The following OXSR1 variants were observed in gnomAD, a reference collection of about 807,000 sequenced individuals.
The protein encoded by OXSR1 is oxidative stress responsive kinase 1.
In OXSR1, 24 loss-of-function variants were observed where a neutral mutation model predicts 79.8. The ratio of observed to expected loss-of-function variants is 0.30; its 90% CI spans 0.22 to 0.42. The LOEUF (loss-of-function observed/expected upper bound fraction) is 0.42, where lower values mean the gene tolerates loss of function less well. Ranked by LOEUF, OXSR1 falls within the 10% of genes least tolerant of loss-of-function variation. OXSR1 has a pLI of 1.00. For synonymous variants in OXSR1, 226 were observed against 209.2 expected, an observed-to-expected ratio of 1.08 and a Z score of -0.69; for missense variants, 430 against 618.4, an observed-to-expected ratio of 0.70 and a Z score of 3.23.
intron 1 of OXSR1, among the ~76,000 whole-genome samples, chr3:38,178,621 T>TATATATA (rs1491123706): frequency 3.8e-3 from 250 of 65,692 alleles, no homozygotes; most frequent in African/African-American, 0.015. Context: ...TATATATATA[T>TATATATA]TTTTTTTTTT....
Position 38,190,728 on chromosome 3 carries a change from T to C in OXSR1, c.184-3T>C, listed in dbSNP as rs1287742858. 2 of 1,485,626 alleles carry C rather than the reference T, an allele frequency of 1.3e-6. No homozygotes were observed. The highest frequency in any genetic ancestry group is 1.4e-5 in the African/African-American group (1 of 72,520). The allele number at this position is 1,485,626 out of a possible 1,614,324, so 92.0% of individuals were successfully genotyped here. ...GAATTATTATGTTTTCTCTTCTTTG[T>C]AGAAAGAAATTCAAGCCATGAGTCA... On this transcript the variant is annotated splice_polypyrimidine_tract_variant and splice_region_variant and intron_variant, in intron 2 of 17. Coordinates refer to ENST00000311806, the MANE Select transcript of OXSR1 (RefSeq NM_005109.3).
intron 4 of OXSR1, among the ~76,000 whole-genome samples, chr3:38,208,970 G>GTA (rs1702324302): frequency 6.7e-6 from 1 of 148,654 alleles, no homozygotes; most frequent in East Asian, 2.0e-4. Flanking sequence ...GTGTGTGTGT[G>GTA]TGTGTGTGTG....
Position 38,249,165 on chromosome 3 carries a change from C to T in OXSR1, c.1323-801C>T, listed in dbSNP as rs983928577. Among the ~76,000 whole-genome samples, 5 of 151,994 alleles carry T rather than the reference C, an allele frequency of 3.3e-5. No homozygotes were observed. The South Asian group carries it at 1.0e-3, about 32-fold the overall frequency. ...TATTATTCATCAAATAGAAGTAAAC[C>T]CTCTCCATTATTTATATAAAATAGA... On this transcript the variant is annotated intron_variant, in intron 14 of 17. Transcript: ENST00000311806.
chr3:38,172,983 G>C (rs1404195697), intron 1 of OXSR1, among the ~76,000 whole-genome samples: 1 of 152,178 alleles, frequency 6.6e-6, no homozygotes, highest in Admixed American at 6.5e-5. Context: ...TCCACCTCTA[G>C]ACTCATGCTT....
chr3:38,241,505 T>C (rs889471898), intron 11 of OXSR1, among the ~76,000 whole-genome samples: 2 of 152,014 alleles, frequency 1.3e-5, no homozygotes, highest in South Asian at 2.1e-4. Flanking sequence ...TGTGAAGTTA[T>C]ATAAGAAAAT....
chr3:38,181,107 A>G (rs1365233801), intron 1 of OXSR1, among the ~76,000 whole-genome samples: 1 of 150,294 alleles, frequency 6.7e-6, no homozygotes, highest in African/African-American at 2.5e-5. Context: ...CCATTCCCTA[A>G]GGCTTTGTTC....
chr3:38,251,524 A>G, intron 16 of OXSR1, 53 bp downstream of exon 16: 2 of 1,402,136 alleles, frequency 1.4e-6, no homozygotes, highest in South Asian at 2.3e-5. Context: ...CTGTATACTT[A>G]GTACATAGAA....
intron 4 of OXSR1, among the ~76,000 whole-genome samples, chr3:38,202,570 G>A (rs923671268): frequency 6.6e-6 from 1 of 152,098 alleles, no homozygotes; most frequent in Non-Finnish European, 1.5e-5. Context: ...CCTAGGTGCC[G>A]AGGCAAGAGA....
In OXSR1 at chr3:38,242,714, A is replaced by G. The variant is rs780530404; in HGVS notation, c.1075-29A>G. The G allele has an allele frequency of 6.8e-6, 10 of 1,459,870 alleles. No homozygotes were observed. The South Asian group carries it at 1.1e-4, about 16-fold the overall frequency. The allele number at this position is 1,459,870 out of a possible 1,614,324, so 90.4% of individuals were successfully genotyped here. On this transcript the variant is annotated intron_variant, in intron 11 of 17. Transcript: ENST00000311806. ...CTACAAGTAACCTGAGTTGTGAGTT[A>G]ACAATCATCCTTTTTGTATTTCGTT...
At chr3:38,230,732 A>G in intron 10 of OXSR1, 1 of 280,974 alleles carries the variant, frequency 3.6e-6, no homozygotes, top group Non-Finnish European at 6.8e-6. Context: ...CATGACATTT[A>G]TAGCTTTGGG....
chr3:38,209,243 G>C (rs1164359980), intron 4 of OXSR1, among the ~76,000 whole-genome samples: 1 of 152,050 alleles, frequency 6.6e-6, no homozygotes, highest in Admixed American at 6.6e-5. Flanking sequence ...TTGATTGACA[G>C]GGGCTCACTC....
chr3:38,178,630 T>A (rs1157494531), intron 1 of OXSR1, among the ~76,000 whole-genome samples: 9 of 141,232 alleles, frequency 6.4e-5, no homozygotes, highest in East Asian at 2.0e-4. Flanking sequence ...ATTTTTTTTT[T>A]TTTTTTTTTT....
chr3:38,211,995 G>A (rs188666034), intron 4 of OXSR1, among the ~76,000 whole-genome samples: 5 of 152,314 alleles, frequency 3.3e-5, no homozygotes, highest in African/African-American at 4.8e-5. Context: ...ACTTTAAATC[G>A]TAGACTTTCA....
chr3:38,174,281 C>T (rs977130529), intron 1 of OXSR1, among the ~76,000 whole-genome samples: 1 of 152,094 alleles, frequency 6.6e-6, no homozygotes, highest in Admixed American at 6.6e-5. Flanking sequence ...ACCTGACTTT[C>T]GTTTTAAAAC....
upstream of OXSR1, among the ~76,000 whole-genome samples, chr3:38,164,110 A>G (rs1030261949): frequency 4.1e-4 from 63 of 152,210 alleles, no homozygotes; most frequent in African/African-American, 1.5e-3. Flanking sequence ...TCCATGGTTG[A>G]GGGCCTGCAG....
At chr3:38,195,009 C>A (rs953913872) in intron 3 of OXSR1, among the ~76,000 whole-genome samples, 1 of 152,174 alleles carries the variant, frequency 6.6e-6, no homozygotes, top group Non-Finnish European at 1.5e-5. Context: ...ATATTATAAT[C>A]ATTTAATGAT....
At chr3:38,230,305 TG>T in intron 9 of OXSR1, 59 bp from the exon 10 acceptor site, 1 of 1,050,650 alleles carries the variant, frequency 9.5e-7, no homozygotes, top group African/African-American at 1.6e-5. Context: ...AACTTTTTTG[TG>T]GGTTTTTTTT....
intron 11 of OXSR1, among the ~76,000 whole-genome samples, chr3:38,241,840 T>G (rs1703042460): frequency 6.6e-6 from 1 of 151,688 alleles, no homozygotes; most frequent in Non-Finnish European, 1.5e-5. Flanking sequence ...GGTTGGTCAC[T>G]TACTTGGTAT....
At chr3:38,167,594 C>G (rs1701492266) in intron 1 of OXSR1, among the ~76,000 whole-genome samples, 1 of 152,176 alleles carries the variant, frequency 6.6e-6, no homozygotes, top group African/African-American at 2.4e-5. Context: ...TTAAGACAAT[C>G]TGGGCTTAAA....
Sources: gnomAD v4.1 joint callset for allele counts (sites outside exome capture counted in the v4.1 genomes callset) on GRCh38, gnomAD v4.1.1 for gene constraint, MANE v1.5 for transcripts, NCBI Gene and HGNC (gene_info 2026-07-23, HGNC 2026-07-21) for gene names.